The following LRP12 variants were observed in gnomAD, a reference collection of about 807,000 sequenced individuals.
LRP12 encodes the protein LDL receptor related protein 12.
In LRP12, 14 loss-of-function variants were observed where a neutral mutation model predicts 66.0. The ratio of observed to expected loss-of-function variants is 0.21; its 90% CI spans 0.14 to 0.33. The LOEUF is 0.33. LRP12 is among the 10% of genes least tolerant of loss of function. LRP12 has a pLI of 1.00. For missense variants in LRP12, 889 were observed against 1,053.4 expected (o/e 0.84, Z 2.16); for synonymous variants, 357 against 359.1 (o/e 0.99, Z 0.07).
intron 1 of LRP12, among the ~76,000 whole-genome samples, chr8:104,572,460 TAAAG>T (rs1812096547): frequency 6.6e-6 from 1 of 151,514 alleles, no homozygotes; most frequent in African/African-American, 2.4e-5. Flanking sequence ...ATCAACAAAA[TAAAG>T]AAATAGTGAA....
At chr8:104,503,103 G>A (rs920630719) in intron 3 of LRP12, among the ~76,000 whole-genome samples, 1 of 151,956 alleles carries the variant, frequency 6.6e-6, no homozygotes, top group African/African-American at 2.4e-5. Flanking sequence ...TTTATGTTTA[G>A]TGCATTTAGT....
At chr8:104,513,192 A>G (rs1435463951) in intron 2 of LRP12, among the ~76,000 whole-genome samples, 1 of 152,210 alleles carries the variant, frequency 6.6e-6, no homozygotes, top group African/African-American at 2.4e-5. Flanking sequence ...CATTAAAGCA[A>G]TTTTTAACTC....
At chr8:104,522,336 T>C (rs1196049397) in intron 2 of LRP12, among the ~76,000 whole-genome samples, 3 of 152,010 alleles carry the variant, frequency 2.0e-5, no homozygotes, top group Non-Finnish European at 2.9e-5. Flanking sequence ...AACTATAAAA[T>C]GCAAATACAT....
At chr8:104,507,449 T>C (rs142096434) in intron 3 of LRP12, 1 of 152,308 alleles carries the variant, frequency 6.6e-6, no homozygotes, top group Non-Finnish European at 1.5e-5. Flanking sequence ...CAGTATTTCA[T>C]GTAATCTCCT....
At position 104,498,053 on chromosome 8, in the gene LRP12, CA is replaced by C; in HGVS notation, c.498del (p.Cys166TrpfsTer72). On this transcript the variant is annotated frameshift_variant, in exon 5 of 7. Transcript: ENST00000276654. LOFTEE classifies it high-confidence loss of function. ...YFSGKSEEPNCACDQFRCGNG... is the reference protein window; with the variant it reads ...YFSGKSEEPNXACDQFRCGNG... ...TTACCACAACGAAACTGATCACAAGCACAATTTGGTTCCTCAGATTTCCCTG... is the reference window on the plus strand; with the variant it reads ...TTACCACAACGAAACTGATCACAAGCCAATTTGGTTCCTCAGATTTCCCTG... The C allele has an allele frequency of 6.2e-7, 1 of 1,600,200 alleles. No individual in the cohort carries two copies. The highest frequency in any genetic ancestry group is 8.5e-7 in the Non-Finnish European group (1 of 1,172,436).
At chr8:104,546,410 C>T (rs1811557893) in intron 1 of LRP12, among the ~76,000 whole-genome samples, 1 of 152,130 alleles carries the variant, frequency 6.6e-6, no homozygotes, top group Non-Finnish European at 1.5e-5. Flanking sequence ...AATCCCGCTC[C>T]CACACCTTTA....
intron 1 of LRP12, among the ~76,000 whole-genome samples, chr8:104,556,621 TA>T (rs1218352855): frequency 1.3e-5 from 2 of 151,782 alleles, no homozygotes; most frequent in African/African-American, 4.8e-5. Context: ...CTGAAATAAT[TA>T]AAAAATTGTT....
chr8:104,496,828 C>T (rs759279415), intron 5 of LRP12, 144 bp downstream of exon 5: 12 of 762,740 alleles, frequency 1.6e-5, no homozygotes, highest in South Asian at 4.4e-5. Context: ...GGGTTTTTCA[C>T]GCTAATTTTA....
At chr8:104,581,831 T>C (rs1312833940) in intron 1 of LRP12, among the ~76,000 whole-genome samples, 1 of 152,170 alleles carries the variant, frequency 6.6e-6, no homozygotes, top group African/African-American at 2.4e-5. Context: ...AAAGCTTCAG[T>C]TTCTTCTAAT....
chr8:104,548,200 A>G (rs1346607935), intron 1 of LRP12, among the ~76,000 whole-genome samples: 2 of 88,792 alleles, frequency 2.3e-5, no homozygotes, highest in South Asian at 3.0e-4. Flanking sequence ...ATATAAATAT[A>G]TGATATATTT....
intron 1 of LRP12, among the ~76,000 whole-genome samples, chr8:104,580,473 A>G (rs1464069476): frequency 6.6e-6 from 1 of 151,924 alleles, no homozygotes; most frequent in Non-Finnish European, 1.5e-5. Flanking sequence ...GGGCTTGCAG[A>G]GAGCCAAGAT....
intron 1 of LRP12, 60 bp downstream of exon 1, chr8:104,588,759 C>A: frequency 6.6e-7 from 1 of 1,524,172 alleles, no homozygotes; most frequent in Non-Finnish European, 9.0e-7. Context: ...CTGGAGGCCT[C>A]GGGGCCCGGG....
chr8:104,495,114 G>A lies in LRP12; in HGVS notation c.1676C>T (p.Pro559Leu). 1 of 1,613,612 alleles carries A rather than the reference G, an allele frequency of 6.2e-7. No individual in the cohort carries two copies. Among genetic ancestry groups the A allele is most frequent in the African/African-American group, 1.3e-5 (1 of 75,032 alleles). The change falls in exon 6 of 7, where the codon CCA (proline) becomes CTA (leucine). Residue 559 changes from proline to leucine, a missense_variant. Coordinates refer to ENST00000276654, the MANE Select transcript of LRP12 (RefSeq NM_013437.5). ...YGQLIAQGLI[P>L]PVEDFPVCSP... is the part of the protein sequence containing the mutation. ...ACAAACAGGAAAATCTTCAACTGGT[G>A]GAATTAAACCCTGAGCAATCAATTG...
At chr8:104,504,831 T>G (rs1448228693) in intron 3 of LRP12, 2 of 152,214 alleles carry the variant, frequency 1.3e-5, no homozygotes, top group Non-Finnish European at 2.9e-5. Context: ...TCTCCACATT[T>G]TGCTTTGCAT....
At position 104,588,911 on chromosome 8, in the gene LRP12, G is replaced by A. The variant is rs369121650; in HGVS notation, c.-14C>T. 1.0e-5 allele frequency: 16 copies of A among 1,593,146 alleles called. No individual in the cohort carries two copies. The African/African-American group carries it at 1.3e-4, about 13-fold the overall frequency. ...GCGACAGGCCATAACCACAGCAGAT[G>A]GAGAGAGAGAGGAGGAGACGGAGGA... On this transcript the variant is annotated 5_prime_UTR_variant, in exon 1 of 7. Coordinates refer to ENST00000276654, the MANE Select transcript of LRP12 (RefSeq NM_013437.5).
chr8:104,588,492 G>C (rs1812372306), intron 1 of LRP12, among the ~76,000 whole-genome samples: 1 of 152,166 alleles, frequency 6.6e-6, no homozygotes, highest in South Asian at 2.1e-4. Flanking sequence ...ATTGTGCCAG[G>C]CTACGGGTCC....
chr8:104,538,108 G>A (rs1426915397), intron 1 of LRP12, among the ~76,000 whole-genome samples: 4 of 152,190 alleles, frequency 2.6e-5, no homozygotes, highest in African/African-American at 4.8e-5. Flanking sequence ...AAAACAAAAT[G>A]GAATACGATG....
Position 104,490,720 on chromosome 8 carries a change from T to C in LRP12, c.2533A>G (p.Thr845Ala), listed in dbSNP as rs773504466. The C allele has an allele frequency of 8.1e-6, 13 of 1,613,856 alleles. No homozygotes were observed. The South Asian group carries it at 1.3e-4, about 16-fold the overall frequency. The part of the protein sequence containing the change: ...AQIPDTCLEV[T>A]LKNETSDDEA... Reference sequence around the variant, plus strand: ...TCATCACTCGTTTCGTTTTTCAGTGTTACTTCTAAGCAAGTGTCTGGTATC... The same window carrying C: ...TCATCACTCGTTTCGTTTTTCAGTGCTACTTCTAAGCAAGTGTCTGGTATC... The change falls in exon 7 of 7, where the codon ACA becomes GCA. Residue 845 changes from threonine (T) to alanine (A), a missense_variant. Physicochemically the swap from Thr to Ala is moderately conservative, Grantham distance 58. Around this residue, in one of 3 missense-constraint regions of LRP12, gnomAD observed 800 missense variants for 964.5 expected, o/e 0.83. Coordinates refer to ENST00000276654, the MANE Select transcript of LRP12 (RefSeq NM_013437.5).
Position 104,569,858 on chromosome 8 carries a change from A to G in LRP12, c.79+18961T>C, listed in dbSNP as rs368427081. ...AAAAAAAGGTGTATAGTTGGGAAAC[A>G]CAAAAATAATACTGTCCATATTCAC... On this transcript the variant is annotated intron_variant, in intron 1 of 6. Transcript: ENST00000276654. Among the ~76,000 whole-genome samples, 4 of 152,288 alleles carry G rather than the reference A, an allele frequency of 2.6e-5. No homozygotes were observed. The East Asian group carries it at 7.7e-4, about 29-fold the overall frequency.
Sources: gnomAD v4.1 joint callset for allele counts (sites outside exome capture counted in the v4.1 genomes callset) on GRCh38, gnomAD v4.1.1 for gene constraint, gnomAD v4.1.1 regional missense constraint, MANE v1.5 for transcripts, NCBI Gene and HGNC (gene_info 2026-07-23, HGNC 2026-07-21) for gene names.